Variants in GOLIM4 observed in about 807,000 individuals in gnomAD.
The protein encoded by GOLIM4 is 130 kDa golgi-localized phosphoprotein.
In GOLIM4, 71 loss-of-function variants were observed where a neutral mutation model predicts 107.4. The ratio of observed to expected loss-of-function variants is 0.66; its 90% CI spans 0.55 to 0.81. The LOEUF is 0.81. Ranked by LOEUF, GOLIM4 falls within the 30% of genes least tolerant of loss-of-function variation. The pLI, the probability that GOLIM4 is intolerant of heterozygous loss-of-function variation, is 0.00. For synonymous variants in GOLIM4, 327 were observed against 294.8 expected (o/e 1.11, Z -1.12); for missense variants, 830 against 826.1 (o/e 1.00, Z -0.06).
intron 1 of GOLIM4, among the ~76,000 whole-genome samples, chr3:168,087,800 C>T (rs1721701656): frequency 6.6e-6 from 1 of 152,142 alleles, no homozygotes; most frequent in Non-Finnish European, 1.5e-5. Flanking sequence ...TCAGATTGCT[C>T]ATTCAGATTA....
At chr3:168,031,511 C>G (rs1434227151) in intron 9 of GOLIM4, among the ~76,000 whole-genome samples, 1 of 152,184 alleles carries the variant, frequency 6.6e-6, no homozygotes, top group Non-Finnish European at 1.5e-5. Context: ...CATTGAGCTA[C>G]TACCCATCCT....
At chr3:168,091,455 C>T (rs746373718) in intron 1 of GOLIM4, among the ~76,000 whole-genome samples, 15 of 152,156 alleles carry the variant, frequency 9.9e-5, no homozygotes, top group Non-Finnish European at 2.1e-4. Context: ...AATCAGTAAC[C>T]GCAGTCCAAG....
chr3:168,062,761 G>T (rs577403681), intron 1 of GOLIM4, among the ~76,000 whole-genome samples: 6 of 152,152 alleles, frequency 3.9e-5, no homozygotes, highest in Non-Finnish European at 5.9e-5. Flanking sequence ...GACAGAGGGC[G>T]AGGAATGCAC....
rs766047462 is a variant in GOLIM4 at position 168,032,723 on chromosome 3, C to A, written c.973G>T (p.Val325Leu). 1 of 1,614,108 alleles carries A rather than the reference C, an allele frequency of 6.2e-7. No homozygotes were observed. The highest frequency in any genetic ancestry group is 1.7e-5 in the Admixed American group (1 of 60,010). The change falls in exon 9 of 16, where the codon GTG (valine) becomes TTG (leucine). Residue 325 changes from valine (V) to leucine (L), a missense_variant. Val to Leu is a conservative substitution (Grantham distance 32, BLOSUM62 1). Transcript: ENST00000470487. ...QAPPEPIQQE[V>L]ERREPEEHQV... The stretch of plus-strand genomic sequence containing the variant: ...TGCTCCTCAGGTTCTCTGCGTTCCA[C>A]TTCTTGTTGGATTGGCTCTGGGGGA...
At chr3:168,040,209 T>C (rs1451367406) in intron 7 of GOLIM4, among the ~76,000 whole-genome samples, 1 of 152,230 alleles carries the variant, frequency 6.6e-6, no homozygotes, top group Non-Finnish European at 1.5e-5. Flanking sequence ...CCCTGTTCAT[T>C]CAGTAAATAT....
At chr3:168,034,088 G>A (rs1008364468) in intron 8 of GOLIM4, among the ~76,000 whole-genome samples, 7 of 152,198 alleles carry the variant, frequency 4.6e-5, no homozygotes, top group African/African-American at 7.2e-5. Context: ...AAATTGGACT[G>A]TATTAATAAA....
chr3:168,025,934 A>G (rs1022240786), intron 12 of GOLIM4, among the ~76,000 whole-genome samples: 3 of 152,202 alleles, frequency 2.0e-5, no homozygotes, highest in African/African-American at 7.2e-5. Context: ...TGAGATGGAG[A>G]GGAACAGTGA....
At chr3:168,031,006 TAC>T (rs1329763108) in intron 9 of GOLIM4, among the ~76,000 whole-genome samples, 2 of 152,162 alleles carry the variant, frequency 1.3e-5, no homozygotes, top group Admixed American at 6.5e-5. Context: ...GTGGTACATA[TAC>T]ACAGTCATAA....
chr3:168,022,108 TA>T (rs1560070932), intron 14 of GOLIM4, among the ~76,000 whole-genome samples: 1 of 152,176 alleles, frequency 6.6e-6, no homozygotes, highest in South Asian at 2.1e-4. Context: ...ATAAATTTCC[TA>T]AAATCATACT....
rs538875649 is a variant in GOLIM4 at position 168,095,707 on chromosome 3, G to A, written c.-422C>T. 4 of 177,070 alleles carry A rather than the reference G, an allele frequency of 2.3e-5. No individual in the cohort carries two copies. In the South Asian group the frequency reaches 3.7e-4, roughly 16 times the overall value. The allele number at this position is 177,070 out of a possible 1,614,324, so 11.0% of individuals were successfully genotyped here. A position where few individuals can be genotyped will look rare whatever the true frequency, so the allele number is the denominator to read the frequency against. ...CCTATCGCGGCGGCTCCCACTGCAC[G>A]ACTTTGTTGCCACCTAAGGGAGGGG... On this transcript the variant is annotated 5_prime_UTR_variant, in exon 1 of 16. Coordinates refer to ENST00000470487, the MANE Select transcript of GOLIM4 (RefSeq NM_014498.5).
intron 1 of GOLIM4, among the ~76,000 whole-genome samples, chr3:168,060,952 GA>G (rs1272654822): frequency 6.6e-6 from 1 of 151,674 alleles, no homozygotes; most frequent in African/African-American, 2.4e-5. Context: ...TGTATGTGTA[GA>G]AGATAGAGCA....
Position 168,095,094 on chromosome 3 carries a change from C to G in GOLIM4, c.187+5G>C, listed in dbSNP as rs771807529. ...CACCGGCTGCGCGCGTCCCGTTAGC[C>G]GTACCTTGTAACTGGGCGGAGAGGG... On this transcript the variant is annotated splice_donor_5th_base_variant and intron_variant, in intron 1 of 15. Coordinates refer to ENST00000470487, the MANE Select transcript of GOLIM4 (RefSeq NM_014498.5). 22 of 1,596,426 alleles carry G rather than the reference C, an allele frequency of 1.4e-5. No individual in the cohort carries two copies. The highest frequency in any genetic ancestry group is 3.4e-4 in the Middle Eastern group (2 of 5,862).
chr3:168,035,489 C>G (rs979036865), intron 8 of GOLIM4, among the ~76,000 whole-genome samples: 1 of 152,154 alleles, frequency 6.6e-6, no homozygotes, highest in Non-Finnish European at 1.5e-5. Flanking sequence ...AAGATCATGT[C>G]CTTTGCAGGG....
At chr3:168,067,091 C>G (rs1055667689) in intron 1 of GOLIM4, among the ~76,000 whole-genome samples, 1 of 152,030 alleles carries the variant, frequency 6.6e-6, no homozygotes, top group Non-Finnish European at 1.5e-5. Context: ...AGTATTCATG[C>G]TTAGTTCTTT....
At chr3:168,024,904 C>T (rs1393935688) in intron 13 of GOLIM4, 24 bp downstream of exon 13, 3 of 1,599,852 alleles carry the variant, frequency 1.9e-6, no homozygotes, top group Non-Finnish European at 1.7e-6. Context: ...GTTAAATCCA[C>T]CCTTCCTCGT....
intron 1 of GOLIM4, among the ~76,000 whole-genome samples, chr3:168,091,027 G>A (rs1031860074): frequency 2.8e-5 from 3 of 108,572 alleles, no homozygotes; most frequent in African/African-American, 1.7e-4. Context: ...GAGGCTAGCA[G>A]GGGGTGAGAG....
chr3:168,074,629 A>ATG (rs1720981686), intron 1 of GOLIM4, among the ~76,000 whole-genome samples: 1 of 152,196 alleles, frequency 6.6e-6, no homozygotes, highest in African/African-American at 2.4e-5. Flanking sequence ...TGTTACAAAG[A>ATG]ATCATCTTTG....
intron 14 of GOLIM4, among the ~76,000 whole-genome samples, chr3:168,019,923 G>C (rs893109073): frequency 6.6e-5 from 10 of 151,016 alleles, no homozygotes; most frequent in African/African-American, 2.5e-4. Flanking sequence ...GATGACTGTT[G>C]CTTAGATCAA....
Position 168,095,352 on chromosome 3 carries a change from T to G in GOLIM4, c.-67A>C. 2 of 1,425,726 alleles carry G rather than the reference T, an allele frequency of 1.4e-6. No homozygotes were observed. The highest frequency in any genetic ancestry group is 1.9e-6 in the Non-Finnish European group (2 of 1,038,372). The allele number at this position is 1,425,726 out of a possible 1,614,324, so 88.3% of individuals were successfully genotyped here. ...CCTCCCCTTGGTCCGAGCGAGCGTC[T>G]CAGCAGCGGCCGCCGCAGTAGGTGG... is the stretch of plus-strand genomic sequence containing the variant. On this transcript the variant is annotated 5_prime_UTR_variant, in exon 1 of 16. The change abolishes the stop of an existing upstream ORF in the 5' untranslated region. Coordinates refer to ENST00000470487, the MANE Select transcript of GOLIM4 (RefSeq NM_014498.5).
Sources: gnomAD v4.1 joint callset for allele counts (sites outside exome capture counted in the v4.1 genomes callset) on GRCh38, gnomAD v4.1.1 for gene constraint, MANE v1.5 for transcripts, NCBI Gene and HGNC (gene_info 2026-07-23, HGNC 2026-07-21) for gene names.